RBFOX1: variants seen among roughly 807,000 people sequenced by gnomAD.
RBFOX1 encodes the protein RNA binding fox-1 homolog 1, also known as RNA binding protein fox-1 homolog 1.
Under a neutral mutation model 57.7 loss-of-function variants are expected in RBFOX1, and 8 were observed. The ratio of observed to expected loss-of-function variants is 0.14; its 90% CI spans 0.08 to 0.25. The LOEUF (loss-of-function observed/expected upper bound fraction) is 0.25, where lower values mean the gene tolerates loss of function less well. Among genes scored for constraint, RBFOX1 ranks in the 10% least tolerant of loss-of-function variants. The pLI is 1.00. For synonymous variants in RBFOX1, 326 were observed against 222.4 expected, an observed-to-expected ratio of 1.47 and a Z score of -4.15; for missense variants, 611 against 548.5, an observed-to-expected ratio of 1.11 and a Z score of -1.14.
At chr16:6,866,424 CTA>C (rs1234511530) in intron 3 of RBFOX1, among the ~76,000 whole-genome samples, 1 of 150,630 alleles carries the variant, frequency 6.6e-6, no homozygotes, top group Non-Finnish European at 1.5e-5. Flanking sequence ...TCCATGACTT[CTA>C]GTGTCTTTCC....
intron 3 of RBFOX1, among the ~76,000 whole-genome samples, chr16:5,834,620 A>T (rs1442164221): frequency 1.3e-5 from 2 of 151,164 alleles, no homozygotes; most frequent in Non-Finnish European, 3.0e-5. Context: ...ATAGATAGAT[A>T]GATTGACTGA....
chr16:6,220,458 C>G (rs752205070), intron 1 of RBFOX1, among the ~76,000 whole-genome samples: 13 of 152,180 alleles, frequency 8.5e-5, no homozygotes, highest in Non-Finnish European at 1.8e-4. Flanking sequence ...TAATAGCTTT[C>G]ATTTCTCCTA....
At chr16:5,837,101 G>C (rs1394921560) in intron 3 of RBFOX1, among the ~76,000 whole-genome samples, 1 of 152,010 alleles carries the variant, frequency 6.6e-6, no homozygotes, top group Non-Finnish European at 1.5e-5. Context: ...CATAATTCTA[G>C]CCTCCTTTCC....
intron 4 of RBFOX1, among the ~76,000 whole-genome samples, chr16:7,167,978 A>G (rs1391521531): frequency 2.6e-5 from 4 of 152,198 alleles, no homozygotes; most frequent in African/African-American, 7.2e-5. Context: ...AACAGCGCAG[A>G]ACCACACAAG....
At chr16:6,595,249 A>T (rs2097765819) in intron 2 of RBFOX1, among the ~76,000 whole-genome samples, 2 of 152,168 alleles carry the variant, frequency 1.3e-5, no homozygotes, top group South Asian at 4.1e-4. Context: ...CACAGCCAGC[A>T]TTCTGCTCTA....
intron 3 of RBFOX1, among the ~76,000 whole-genome samples, chr16:6,726,563 G>C (rs918041791): frequency 1.3e-5 from 2 of 151,966 alleles, no homozygotes; most frequent in African/African-American, 4.8e-5. Flanking sequence ...AATGAGAGAA[G>C]GCAAGGATGC....
At chr16:6,842,694 T>A (rs955664722) in intron 3 of RBFOX1, among the ~76,000 whole-genome samples, 1 of 151,224 alleles carries the variant, frequency 6.6e-6, no homozygotes, top group Admixed American at 6.6e-5. Context: ...GGGATACATG[T>A]GTAGAATGTG....
Position 6,043,120 on chromosome 16 carries a change from GAAAAAAAAAAAAAAAAAAAAAAAAAAA to G in RBFOX1, c.-127+23144_-127+23170del, listed in dbSNP as rs570358262. Among the ~76,000 whole-genome samples, 6 of 70,232 alleles carry G rather than the reference GAAAAAAAAAAAAAAAAAAAAAAAAAAA, an allele frequency of 8.5e-5. No homozygotes were observed. In the East Asian group the frequency reaches 1.6e-3, roughly 19 times the overall value. 46.1% of individuals were successfully genotyped at this position (70,232 alleles called of 152,430 possible). A position where few individuals can be genotyped will look rare whatever the true frequency, so the allele number is the denominator to read the frequency against. ...GCGACAGAGCAAGATTGTGTTTCCA[GAAAAAAAAAAAAAAAAAAAAAAAAAAA>G]AAAAAAAAAAAAAAAGATAAGGGGC... On this transcript the variant is annotated intron_variant, in intron 1 of 15. Transcript: ENST00000550418.
At chr16:7,251,900 G>C (rs1277555692) in intron 4 of RBFOX1, among the ~76,000 whole-genome samples, 1 of 152,172 alleles carries the variant, frequency 6.6e-6, no homozygotes, top group African/African-American at 2.4e-5. Flanking sequence ...AATTTTTTAA[G>C]GAACCTCCAT....
At chr16:6,415,018 G>A (rs141626392) in intron 2 of RBFOX1, among the ~76,000 whole-genome samples, 2,547 of 152,094 alleles carry the variant, frequency 0.017, 72 homozygotes, top group African/African-American at 0.057. Context: ...CAAGACAGGC[G>A]GATCACCTGA....
chr16:7,574,754 C>G (rs879752726), intron 5 of RBFOX1, among the ~76,000 whole-genome samples: 1 of 152,154 alleles, frequency 6.6e-6, no homozygotes, highest in Non-Finnish European at 1.5e-5. Flanking sequence ...AGGACCAATA[C>G]TTTGCATCCT....
At chr16:7,251,961 G>C (rs1031809490) in intron 4 of RBFOX1, among the ~76,000 whole-genome samples, 2 of 152,140 alleles carry the variant, frequency 1.3e-5, no homozygotes, top group African/African-American at 4.8e-5. Flanking sequence ...CCAACAGTGG[G>C]GCACTGGGTG....
At chr16:6,910,577 G>A (rs970554327) in intron 3 of RBFOX1, among the ~76,000 whole-genome samples, 7 of 152,140 alleles carry the variant, frequency 4.6e-5, no homozygotes, top group African/African-American at 1.4e-4. Context: ...TAAAATCAAA[G>A]CCTCAGCAGG....
rs186051166 is a variant in RBFOX1 at position 7,158,420 on chromosome 16, T to C, written c.27+106322T>C. 2.6e-3 allele frequency among the ~76,000 whole-genome samples: 400 copies of C among 152,292 alleles called. 1 individual carries two copies. Among genetic ancestry groups the C allele is most frequent in the African/African-American group, 9.2e-3 (381 of 41,564 alleles). On this transcript the variant is annotated intron_variant, in intron 4 of 15. Coordinates refer to ENST00000550418, the MANE Select transcript of RBFOX1 (RefSeq NM_018723.4). ...ATCTTACTGATGTAGAAAGATATACTGGTCTTATACAGACATTGATACCAC... is the reference window on the plus strand; with the variant it reads ...ATCTTACTGATGTAGAAAGATATACCGGTCTTATACAGACATTGATACCAC...
chr16:7,130,899 A>G (rs953203880), intron 4 of RBFOX1, among the ~76,000 whole-genome samples: 5 of 152,192 alleles, frequency 3.3e-5, no homozygotes, highest in African/African-American at 1.2e-4. Flanking sequence ...CGACAGTGAC[A>G]CAGCAATGAC....
chr16:6,981,340 T>C (rs1173921253), intron 3 of RBFOX1, among the ~76,000 whole-genome samples: 2 of 152,076 alleles, frequency 1.3e-5, no homozygotes, highest in East Asian at 1.9e-4. Flanking sequence ...ATTATTTAGC[T>C]CCTACTTTAC....
intron 1 of RBFOX1, among the ~76,000 whole-genome samples, chr16:6,142,860 C>G (rs1393802805): frequency 1.3e-5 from 2 of 152,158 alleles, no homozygotes; most frequent in Non-Finnish European, 2.9e-5. Context: ...AGACTCAACT[C>G]ATTCTTCGGG....
chr16:7,575,375 T>C, intron 5 of RBFOX1, among the ~76,000 whole-genome samples: 1 of 152,102 alleles, frequency 6.6e-6, no homozygotes, highest in Non-Finnish European at 1.5e-5. Flanking sequence ...CCTCATGATC[T>C]GCCCCGCTCA....
chr16:6,128,893 G>T (rs933262392), intron 1 of RBFOX1, among the ~76,000 whole-genome samples: 1 of 152,144 alleles, frequency 6.6e-6, no homozygotes, highest in African/African-American at 2.4e-5. Flanking sequence ...CCCATGCTGA[G>T]GACTAAGTTC....
Sources: allele counts gnomAD v4.1 joint callset (sites outside exome capture counted in the v4.1 genomes callset), GRCh38; gene constraint gnomAD v4.1.1; transcripts MANE v1.5; gene names NCBI Gene and HGNC (gene_info 2026-07-23, HGNC 2026-07-21).